The following UVRAG variants were observed in gnomAD, a reference collection of about 807,000 sequenced individuals.
UVRAG encodes UV radiation resistance-associated gene protein.
UVRAG carries 19 observed loss-of-function variants against 78.0 expected under a neutral mutation model. That is an observed-to-expected ratio of 0.24 (90% CI 0.17 to 0.36). UVRAG has a LOEUF of 0.36. Ranked by LOEUF, UVRAG falls within the 10% of genes least tolerant of loss-of-function variation. UVRAG has a pLI of 1.00. For synonymous variants in UVRAG, 323 were observed against 324.6 expected, an observed-to-expected ratio of 1.00 and a Z score of 0.05; for missense variants, 740 against 853.8, an observed-to-expected ratio of 0.87 and a Z score of 1.66.
chr11:75,903,764 G>A (rs868195279), intron 5 of UVRAG, among the ~76,000 whole-genome samples: 1 of 152,198 alleles, frequency 6.6e-6, no homozygotes. Flanking sequence ...TATGAGGACA[G>A]TAGTAATAAT....
intron 2 of UVRAG, 140 bp from the exon 3 acceptor site, chr11:75,861,606 A>G: frequency 4.1e-6 from 2 of 492,270 alleles, no homozygotes; most frequent in Non-Finnish European, 7.0e-6. Context: ...TAACAGATAA[A>G]GATATAGAGA....
At chr11:75,938,906 C>CTACA (rs1948430885) in intron 6 of UVRAG, among the ~76,000 whole-genome samples, 1 of 152,172 alleles carries the variant, frequency 6.6e-6, no homozygotes, top group South Asian at 2.1e-4. Context: ...AATCTTTCTT[C>CTACA]TACACTCAGG....
In UVRAG at chr11:76,069,634, C is replaced by G. The variant is rs192677335; in HGVS notation, c.1305+3846C>G. On this transcript the variant is annotated intron_variant, in intron 13 of 14. Transcript: ENST00000356136. ...TACTTTTATCTTATATTTGTGGGAG[C>G]CTTATAGTTTGTAAAGTACATGCAT... 9.3e-4 allele frequency among the ~76,000 whole-genome samples: 142 copies of G among 152,172 alleles called. 1 individual carries two copies. Among genetic ancestry groups the G allele is most frequent in the Non-Finnish European group, 1.6e-3 (109 of 68,004 alleles).
At chr11:75,817,066 G>T (rs1397606738) in intron 1 of UVRAG, among the ~76,000 whole-genome samples, 5 of 152,146 alleles carry the variant, frequency 3.3e-5, no homozygotes, top group Non-Finnish European at 7.4e-5. Context: ...TGGGGGTTTG[G>T]ATTGTGTTGT....
intron 8 of UVRAG, among the ~76,000 whole-genome samples, chr11:76,003,724 A>T (rs1215261463): frequency 6.6e-6 from 1 of 152,144 alleles, no homozygotes; most frequent in Non-Finnish European, 1.5e-5. Flanking sequence ...TATCTTATCA[A>T]TTGCTGACCA....
At chr11:76,028,631 C>A (rs1161338689) in intron 12 of UVRAG, among the ~76,000 whole-genome samples, 1 of 152,104 alleles carries the variant, frequency 6.6e-6, no homozygotes, top group East Asian at 1.9e-4. Context: ...ATAAAAAAGT[C>A]AAACCAGCCG....
chr11:75,885,289 C>A (rs962749059), intron 4 of UVRAG, among the ~76,000 whole-genome samples: 2 of 151,904 alleles, frequency 1.3e-5, no homozygotes, highest in African/African-American at 2.4e-5. Context: ...TCCTAACTTG[C>A]GTGTTATGGA....
chr11:75,815,550 C>T lies in UVRAG; in HGVS notation c.117+26C>T, dbSNP rs1405788144. The T allele has an allele frequency of 3.3e-6, 4 of 1,213,358 alleles. No homozygotes were observed. The African/African-American group carries it at 4.7e-5, about 14-fold the overall frequency. 75.2% of individuals were successfully genotyped at this position (1,213,358 alleles called of 1,614,324 possible). On this transcript the variant is annotated intron_variant, in intron 1 of 14. Coordinates refer to ENST00000356136, the MANE Select transcript of UVRAG (RefSeq NM_003369.4). Reference sequence around the variant, plus strand: ...GTAAGCCCGCGCGGCTCGCAGCACTCGGGAGGGACCCGGGCAGGCCCGCGT... The same window carrying T: ...GTAAGCCCGCGCGGCTCGCAGCACTTGGGAGGGACCCGGGCAGGCCCGCGT...
chr11:75,856,283 G>T (rs987817914), intron 2 of UVRAG, among the ~76,000 whole-genome samples: 3 of 152,138 alleles, frequency 2.0e-5, no homozygotes, highest in African/African-American at 7.2e-5. Flanking sequence ...GATTACAGGC[G>T]TGAGCCACCG....
intron 6 of UVRAG, among the ~76,000 whole-genome samples, chr11:75,946,863 A>G (rs971479381): frequency 3.3e-5 from 5 of 152,234 alleles, no homozygotes; most frequent in Admixed American, 2.6e-4. Flanking sequence ...TTAGACTGCC[A>G]TAACAAAATA....
At chr11:75,957,130 A>G (rs76219069) in intron 6 of UVRAG, among the ~76,000 whole-genome samples, 2,693 of 151,916 alleles carry the variant, frequency 0.018, 74 homozygotes, top group African/African-American at 0.061. Context: ...TCTCTAGTGA[A>G]TATTTGTCTA....
Position 76,142,336 on chromosome 11 carries a change from C to T in UVRAG, c.*923C>T, listed in dbSNP as rs565133123. The T allele has an allele frequency of 6.6e-6, 1 of 152,320 alleles. No individual in the cohort carries two copies. The highest frequency in any genetic ancestry group is 2.4e-5 in the African/African-American group (1 of 41,564). 9.4% of individuals were successfully genotyped at this position (152,320 alleles called of 1,614,324 possible). A position where few individuals can be genotyped will look rare whatever the true frequency, so the allele number is the denominator to read the frequency against. ...AATCCCATGTTAATTTATTAAATTTCAGTCAGAAGGTCAGCATTTACATGA... is the reference window on the plus strand; with the variant it reads ...AATCCCATGTTAATTTATTAAATTTTAGTCAGAAGGTCAGCATTTACATGA... On this transcript the variant is annotated 3_prime_UTR_variant, in exon 15 of 15. Coordinates refer to ENST00000356136, the MANE Select transcript of UVRAG (RefSeq NM_003369.4).
chr11:75,972,130 C>T (rs1023834523), intron 7 of UVRAG, among the ~76,000 whole-genome samples: 29 of 151,732 alleles, frequency 1.9e-4, no homozygotes, highest in African/African-American at 6.5e-4. Flanking sequence ...TTTTGGAGAC[C>T]AGTTCTTTAT....
rs1356129255 is a variant in UVRAG at position 76,007,618 on chromosome 11, T to G, written c.996T>G (p.Asp332Glu). 1 of 1,611,106 alleles carries G rather than the reference T, an allele frequency of 6.2e-7. No individual in the cohort carries two copies. Among genetic ancestry groups the G allele is most frequent in the Non-Finnish European group, 8.5e-7 (1 of 1,178,902 alleles). The change falls in exon 10 of 15, where the codon GAT (aspartate) becomes GAG (glutamate). Residue 332 changes from aspartate (D) to glutamate (E), a missense_variant. Transcript: ENST00000356136. ...AGCTTTCCTACATTTACCCTATTGA[T>G]TTGGTAAGTTTCAAATTTTCTGAAA... Reference protein sequence around the residue: ...LSELSYIYPIDLNEHKDYFVC... With the variant: ...LSELSYIYPIELNEHKDYFVC...
intron 12 of UVRAG, among the ~76,000 whole-genome samples, chr11:76,017,267 A>G (rs898205907): frequency 1.3e-5 from 2 of 152,198 alleles, no homozygotes; most frequent in African/African-American, 4.8e-5. Context: ...CATATGATCT[A>G]CAAATATTCA....
chr11:76,081,421 G>T (rs1783283035), intron 13 of UVRAG, among the ~76,000 whole-genome samples: 1 of 152,004 alleles, frequency 6.6e-6, no homozygotes, highest in African/African-American at 2.4e-5. Context: ...GGCCAGGCTG[G>T]TTCTGAACTC....
chr11:76,140,769 G>A lies in UVRAG; in HGVS notation c.1456G>A (p.Gly486Arg), dbSNP rs762822212. Reference sequence around the variant, plus strand: ...TCCTAAGAGACAAAGCTCCATATTTGGGGGTGCAGATGTAGGCTTCTCTGG... The same window carrying A: ...TCCTAAGAGACAAAGCTCCATATTTAGGGGTGCAGATGTAGGCTTCTCTGG... The part of the protein sequence containing the change: ...PVPKRQSSIF[G>R]GADVGFSGGI... Residue 486 changes from glycine to arginine, a missense_variant, in exon 15 of 15, where the codon GGG becomes AGG. Coordinates refer to ENST00000356136, the MANE Select transcript of UVRAG (RefSeq NM_003369.4). The A allele has an allele frequency of 1.9e-6, 3 of 1,612,822 alleles. No homozygotes were observed. In the African/African-American group the frequency reaches 4.0e-5, roughly 22 times the overall value.
chr11:75,944,306 G>T (rs1254397802), intron 6 of UVRAG, among the ~76,000 whole-genome samples: 1 of 152,072 alleles, frequency 6.6e-6, no homozygotes, highest in Non-Finnish European at 1.5e-5. Flanking sequence ...TATCCATTTT[G>T]CAAGGGTACT....
chr11:76,103,538 T>TG (rs562177895), intron 13 of UVRAG, among the ~76,000 whole-genome samples: 6 of 77,988 alleles, frequency 7.7e-5, no homozygotes, highest in African/African-American at 2.4e-4. Context: ...GCTGTTTTGG[T>TG]TTTTTTTTTT....
Sources: gnomAD v4.1 joint callset for allele counts (sites outside exome capture counted in the v4.1 genomes callset) on GRCh38, gnomAD v4.1.1 for gene constraint, MANE v1.5 for transcripts, NCBI Gene and HGNC (gene_info 2026-07-23, HGNC 2026-07-21) for gene names.